The following VIRMA variants were observed in gnomAD, a reference collection of about 807,000 sequenced individuals.
VIRMA encodes the protein vir like m6A methyltransferase associated.
A neutral mutation model predicts 182.4 loss-of-function variants in VIRMA; 65 were observed. The ratio of observed to expected loss-of-function variants is 0.36; its 90% CI spans 0.29 to 0.44. VIRMA has a LOEUF of 0.44. Among genes scored for constraint, VIRMA ranks in the 20% least tolerant of loss-of-function variants. The pLI, the probability that VIRMA is intolerant of heterozygous loss-of-function variation, is 1.00. For missense variants in VIRMA, 1,752 were observed against 2,158.1 expected (o/e 0.81, Z 3.73); for synonymous variants, 709 against 743.1 (o/e 0.95, Z 0.75).
rs1325008338 is a variant in VIRMA at position 94,487,971 on chromosome 8, T to C, written c.*735A>G. On this transcript the variant is annotated 3_prime_UTR_variant, in exon 24 of 24. Transcript: ENST00000297591. The stretch of plus-strand genomic sequence containing the variant: ...AAAGGAGAGGAGTATTTTGTTTCTT[T>C]TGGTACAGCCATGGTTCCCAAACTG... 6.6e-6 allele frequency: 1 copy of C among 152,220 alleles called. No individual in the cohort carries two copies. Among genetic ancestry groups the C allele is most frequent in the Non-Finnish European group, 1.5e-5 (1 of 68,042 alleles). The allele number at this position is 152,220 out of a possible 1,614,324, so 9.4% of individuals were successfully genotyped here. A position where few individuals can be genotyped will look rare whatever the true frequency, so the allele number is the denominator to read the frequency against.
chr8:94,511,446 G>A lies in VIRMA; in HGVS notation c.3129C>T (p.Leu1043=), dbSNP rs755286933. The part of the protein sequence containing the change: ...VPSALVTLHM[L]LCSIPLSGRL... The stretch of plus-strand genomic sequence containing the variant: ...GACCTGAGAGGGGGATAGAGCACAG[G>A]AGCATATGTAAAGTAACAAGCGCTG... The change falls in exon 13 of 24, where the codon CTC becomes CTT. Residue 1043 remains leucine (L), a synonymous_variant. Coordinates refer to ENST00000297591, the MANE Select transcript of VIRMA (RefSeq NM_015496.5). 5 of 1,613,974 alleles carry A rather than the reference G, an allele frequency of 3.1e-6. No individual in the cohort carries two copies. Among genetic ancestry groups the A allele is most frequent in the South Asian group, 1.1e-5 (1 of 91,084 alleles).
At chr8:94,547,070 T>C (rs761897334) in intron 1 of VIRMA, 20 of 453,846 alleles carry the variant, frequency 4.4e-5, no homozygotes, top group Non-Finnish European at 8.8e-5. Flanking sequence ...TCTAGATAGG[T>C]GCCTCTCCTC....
intron 4 of VIRMA, 116 bp downstream of exon 4, chr8:94,536,987 C>CA: frequency 1.3e-6 from 1 of 779,620 alleles, no homozygotes; most frequent in Non-Finnish European, 2.2e-6. Context: ...TCAAAAAACA[C>CA]AAAGAAAAAA....
chr8:94,499,313 T>TTTCAAAA, intron 17 of VIRMA, 61 bp downstream of exon 17: 1 of 1,254,592 alleles, frequency 8.0e-7, no homozygotes, highest in South Asian at 1.6e-5. Context: ...AGATTTCAAA[T>TTTCAAAA]TTAAGAAACA....
rs933339774 is a variant in VIRMA, at chr8:94,553,325, GT to G, written c.63+59del. The stretch of plus-strand genomic sequence containing the variant: ...AAGGAAAAGTGGAGAACGCCTAACG[GT>G]TTTTTTGTAAAGATCCCAAGTCAAG... On this transcript the variant is annotated intron_variant, in intron 1 of 23. Transcript: ENST00000297591. 22 of 1,543,668 alleles carry G rather than the reference GT, an allele frequency of 1.4e-5. No individual in the cohort carries two copies. In the Admixed American group the frequency reaches 2.4e-4, roughly 17 times the overall value.
intron 6 of VIRMA, 29 bp downstream of exon 6, chr8:94,530,934 G>GA: frequency 6.3e-7 from 1 of 1,590,260 alleles, no homozygotes; most frequent in Non-Finnish European, 8.5e-7. Context: ...AACTAGGGGG[G>GA]AAAACCTTAG....
chr8:94,551,985 C>A (rs1006618563), intron 1 of VIRMA, among the ~76,000 whole-genome samples: 5 of 152,304 alleles, frequency 3.3e-5, no homozygotes, highest in Middle Eastern at 3.4e-3. Context: ...CCTCCCAAAA[C>A]GTTGAGATTA....
intron 16 of VIRMA, among the ~76,000 whole-genome samples, 177 bp from the exon 17 acceptor site, chr8:94,499,683 C>T (rs1357486847): frequency 6.6e-6 from 1 of 152,026 alleles, no homozygotes; most frequent in East Asian, 1.9e-4. Context: ...TCAATAGTTA[C>T]CAACTCCTTT....
At chr8:94,493,105 T>C (rs898745763) in intron 20 of VIRMA, among the ~76,000 whole-genome samples, 10 of 152,218 alleles carry the variant, frequency 6.6e-5, no homozygotes, top group African/African-American at 2.2e-4. Context: ...TATTTGTCTA[T>C]ATAAATTAAC....
At chr8:94,549,961 T>C (rs1376010535) in intron 1 of VIRMA, among the ~76,000 whole-genome samples, 3 of 151,972 alleles carry the variant, frequency 2.0e-5, no homozygotes, top group African/African-American at 7.2e-5. Flanking sequence ...GCCAGGCGTG[T>C]TGGTGCACAA....
At position 94,529,141 on chromosome 8, in the gene VIRMA, G is replaced by C; in HGVS notation, c.809C>G (p.Thr270Arg). ...TTCCTCCTCAGGAATACTGTCTACT[G>C]TTCGTCGATCATCCTCATCCTCATC... ...EEDEDEDDRR[T>R]VDSIPEEEEE... The change falls in exon 7 of 24, where the codon ACA becomes AGA. Residue 270 changes from threonine to arginine, a missense_variant. Thr to Arg is a moderately conservative substitution (Grantham distance 71, BLOSUM62 -1). Around this residue, in one of 11 missense-constraint regions of VIRMA, gnomAD observed 114 missense variants for 106.9 expected, o/e 1.07. Transcript: ENST00000297591. 1 of 1,452,576 alleles carries C rather than the reference G, an allele frequency of 6.9e-7. No individual in the cohort carries two copies. The highest frequency in any genetic ancestry group is 9.7e-7 in the Non-Finnish European group (1 of 1,033,982). The allele number at this position is 1,452,576 out of a possible 1,614,324, so 90.0% of individuals were successfully genotyped here.
intron 8 of VIRMA, among the ~76,000 whole-genome samples, chr8:94,520,148 T>G (rs748959431): frequency 8.2e-5 from 12 of 145,534 alleles, no homozygotes; most frequent in Admixed American, 4.3e-4. Context: ...GAGCCATGAT[T>G]GCTCCACTGC....
chr8:94,544,529 CG>C (rs989694978), intron 1 of VIRMA, among the ~76,000 whole-genome samples: 3 of 151,652 alleles, frequency 2.0e-5, no homozygotes, highest in African/African-American at 7.3e-5. Context: ...GGTGCAGTGG[CG>C]GGCACCTGTA....
At position 94,510,579 on chromosome 8, in the gene VIRMA, G is replaced by A; in HGVS notation, c.3464C>T (p.Ala1155Val). 1 of 1,614,132 alleles carries A rather than the reference G, an allele frequency of 6.2e-7. No homozygotes were observed. The highest frequency in any genetic ancestry group is 8.5e-7 in the Non-Finnish European group (1 of 1,180,004). The part of the protein sequence containing the change: ...KLWSMHLHVQ[A>V]KLLQEIVRSF... ...GCGAACTATTTCTTGGAGCAACTTT[G>A]CTTGAACATGAAGGTGCATGCTCCA... is the stretch of plus-strand genomic sequence containing the variant. The change falls in exon 14 of 24, where the codon GCA becomes GTA. Residue 1155 changes from alanine to valine, a missense_variant. Ala to Val is a moderately conservative substitution (Grantham distance 64). Around this residue, in one of 11 missense-constraint regions of VIRMA, gnomAD observed 777 missense variants for 920.6 expected, o/e 0.84. Transcript: ENST00000297591.
At chr8:94,520,185 CA>C (rs757063695) in intron 8 of VIRMA, among the ~76,000 whole-genome samples, 26,139 of 82,734 alleles carry the variant, frequency 0.32, 2,383 homozygotes, top group East Asian at 0.46. Context: ...GACCCTGCAT[CA>C]AAAAAAAAAA....
At chr8:94,538,535 A>G (rs1815421053) in intron 2 of VIRMA, among the ~76,000 whole-genome samples, 189 bp from the exon 3 acceptor site, 1 of 152,250 alleles carries the variant, frequency 6.6e-6, no homozygotes, top group African/African-American at 2.4e-5. Flanking sequence ...AATCTCAAGT[A>G]GCCAACAGCT....
rs757992369 is a variant in VIRMA at position 94,518,989 on chromosome 8, A to C, written c.2509T>G (p.Leu837Val). ...TLMEYYSKEALGDSKSKKSVA... is the reference protein window; with the variant it reads ...TLMEYYSKEAVGDSKSKKSVA... The stretch of plus-strand genomic sequence containing the variant: ...AAGGAGTAAGTAGGAAATTACCCCA[A>C]GGCTTCTTTGGAATAGTACTCCATT... The change falls in exon 9 of 24, where the codon TTG (leucine) becomes GTG (valine). Residue 837 changes from leucine to valine, a missense_variant. Coordinates refer to ENST00000297591, the MANE Select transcript of VIRMA (RefSeq NM_015496.5). 17 of 1,596,236 alleles carry C rather than the reference A, an allele frequency of 1.1e-5. No homozygotes were observed. Among genetic ancestry groups the C allele is most frequent in the Non-Finnish European group, 1.4e-5 (17 of 1,174,558 alleles).
At chr8:94,533,232 G>A (rs906117367) in intron 5 of VIRMA, among the ~76,000 whole-genome samples, 1 of 151,186 alleles carries the variant, frequency 6.6e-6, no homozygotes, top group African/African-American at 2.4e-5. Flanking sequence ...GAGTAACTAT[G>A]CTTAGCAGGT....
chr8:94,520,375 GTCCCAGC>G (rs1814720302), intron 8 of VIRMA, among the ~76,000 whole-genome samples: 1 of 151,812 alleles, frequency 6.6e-6, no homozygotes, highest in South Asian at 2.1e-4. Context: ...CATGCCTGTA[GTCCCAGC>G]TACTTGGGAG....
Sources: allele counts gnomAD v4.1 joint callset (sites outside exome capture counted in the v4.1 genomes callset), GRCh38; gene constraint gnomAD v4.1.1; regional missense constraint gnomAD v4.1.1; transcripts MANE v1.5; gene names NCBI Gene and HGNC (gene_info 2026-07-23, HGNC 2026-07-21).